Variants in SCLT1 observed in about 807,000 individuals in gnomAD.
The protein encoded by SCLT1 is sodium channel-associated protein 1.
SCLT1 carries 78 observed loss-of-function variants against 112.8 expected under a neutral mutation model. The ratio of observed to expected loss-of-function variants is 0.69; its 90% confidence interval spans 0.58 to 0.83. The LOEUF (loss-of-function observed/expected upper bound fraction) is 0.83, where lower values mean the gene tolerates loss of function less well. SCLT1 is among the 40% of genes least tolerant of loss of function. SCLT1 has a pLI of 0.00. For synonymous variants in SCLT1, 257 were observed against 254.7 expected (o/e 1.01, Z -0.09); for missense variants, 747 against 770.4 (o/e 0.97, Z 0.36).
At chr4:129,035,100 C>T (rs1395970790) in intron 5 of SCLT1, among the ~76,000 whole-genome samples, 1 of 152,066 alleles carries the variant, frequency 6.6e-6, no homozygotes, top group Non-Finnish European at 1.5e-5. Flanking sequence ...CTTACTTCAC[C>T]TAATATTAAG....
rs115418145 is a variant in SCLT1, at chr4:129,091,049, G to T, written c.34+2021C>A. On this transcript the variant is annotated intron_variant, in intron 1 of 20. Transcript: ENST00000281142. ...AACAAAGAGACAATCAAGATCAACA[G>T]AAATCAGTGTAGAAAAAGTCAGAGG... Among the ~76,000 whole-genome samples the T allele has an allele frequency of 5.9e-3, 900 of 152,260 alleles. 7 individuals are homozygous for T. Among genetic ancestry groups the T allele is most frequent in the South Asian group, 0.012 (59 of 4,824 alleles).
intron 5 of SCLT1, among the ~76,000 whole-genome samples, chr4:129,018,351 T>C (rs1192307399): frequency 6.6e-6 from 1 of 152,222 alleles, no homozygotes; most frequent in Non-Finnish European, 1.5e-5. Context: ...GTTATTATAA[T>C]TGCACAATTT....
In SCLT1 at chr4:128,957,182, C is replaced by T. The variant is rs73847308; in HGVS notation, c.1048-58G>A. ...ACATTATTATTAGTAAAGATAATAA[C>T]AGGTGAAAACCTATCCACTAGTCAC... On this transcript the variant is annotated intron_variant, in intron 12 of 20. Transcript: ENST00000281142. The T allele has an allele frequency of 5.2e-3, 5,434 of 1,043,004 alleles. 145 individuals are homozygous for T. The African/African-American group carries it at 0.064, about 12-fold the overall frequency. The allele number at this position is 1,043,004 out of a possible 1,614,324, so 64.6% of individuals were successfully genotyped here.
At chr4:128,901,091 A>G (rs541919382) in intron 18 of SCLT1, among the ~76,000 whole-genome samples, 1 of 152,354 alleles carries the variant, frequency 6.6e-6, no homozygotes, top group East Asian at 1.9e-4. Context: ...AACTAGTTCA[A>G]CCATTGTGGA....
intron 14 of SCLT1, among the ~76,000 whole-genome samples, chr4:128,951,965 A>G (rs1290021998): frequency 6.6e-6 from 1 of 152,168 alleles, no homozygotes; most frequent in African/African-American, 2.4e-5. Context: ...TATACCATTC[A>G]GTTGATAAAC....
At chr4:128,877,135 TG>T (rs1200539772) in intron 3 of SCLT1, among the ~76,000 whole-genome samples, 2 of 152,196 alleles carry the variant, frequency 1.3e-5, no homozygotes, top group African/African-American at 4.8e-5. Context: ...ACATAGCCTT[TG>T]GGGGAACCTC....
intron 5 of SCLT1, among the ~76,000 whole-genome samples, chr4:129,020,488 G>A (rs1341758895): frequency 6.6e-6 from 1 of 152,212 alleles, no homozygotes. Context: ...ACAAATACAA[G>A]TGATGGCAAT....
At chr4:128,880,998 G>A (rs1301748533), downstream of SCLT1, among the ~76,000 whole-genome samples, 3 of 152,172 alleles carry the variant, frequency 2.0e-5, no homozygotes. Context: ...TCTTGAGCTA[G>A]AGGGTACCAG....
chr4:128,980,075 C>T (rs1175755259), intron 9 of SCLT1, among the ~76,000 whole-genome samples: 1 of 152,152 alleles, frequency 6.6e-6, no homozygotes, highest in Non-Finnish European at 1.5e-5. Context: ...AACCTGTTTT[C>T]CATGCTCAGA....
chr4:129,056,504 C>T lies in SCLT1; in HGVS notation c.103-12453G>A, dbSNP rs182894313. 2.0e-5 allele frequency among the ~76,000 whole-genome samples: 3 copies of T among 152,204 alleles called. No homozygotes were observed. In the East Asian group the frequency reaches 5.8e-4, roughly 29 times the overall value. ...TATGTATTTCTATTTGGATCATTTT[C>T]AATTTCTGTCAACATTTATATATTT... On this transcript the variant is annotated intron_variant, in intron 2 of 20. Coordinates refer to ENST00000281142, the MANE Select transcript of SCLT1 (RefSeq NM_144643.4).
intron 5 of SCLT1, among the ~76,000 whole-genome samples, chr4:129,018,498 T>C (rs1253738547): frequency 6.6e-6 from 1 of 152,198 alleles, no homozygotes; most frequent in African/African-American, 2.4e-5. Context: ...GTAAGGTAAT[T>C]ATAAAAAGTC....
At chr4:128,967,110 T>A (rs1740269833) in intron 10 of SCLT1, among the ~76,000 whole-genome samples, 1 of 152,160 alleles carries the variant, frequency 6.6e-6, no homozygotes, top group Non-Finnish European at 1.5e-5. Context: ...CATGCGGTAT[T>A]TGGTTTTCCG....
intron 17 of SCLT1, among the ~76,000 whole-genome samples, chr4:128,940,922 C>T (rs1364161498): frequency 6.6e-6 from 1 of 151,810 alleles, no homozygotes; most frequent in East Asian, 1.9e-4. Context: ...TAAATACGTA[C>T]CATTTAATAC....
chr4:128,922,495 T>C (rs544138269), intron 18 of SCLT1, among the ~76,000 whole-genome samples: 4 of 152,256 alleles, frequency 2.6e-5, no homozygotes, highest in Admixed American at 6.5e-5. Context: ...ATTATGTCCT[T>C]TGCAGCAACA....
chr4:128,922,570 T>C (rs1398712432), intron 18 of SCLT1, among the ~76,000 whole-genome samples: 2 of 152,198 alleles, frequency 1.3e-5, no homozygotes, highest in African/African-American at 4.8e-5. Flanking sequence ...AAATACTGCA[T>C]GTTCTCACTT....
chr4:128,973,546 G>A (rs1740890583), intron 9 of SCLT1, among the ~76,000 whole-genome samples: 1 of 151,078 alleles, frequency 6.6e-6, no homozygotes, highest in Non-Finnish European at 1.5e-5. Flanking sequence ...GAGAGAGAAT[G>A]TTACAGTACA....
chr4:129,061,508 C>CAA (rs1171315296), intron 2 of SCLT1, among the ~76,000 whole-genome samples: 1 of 152,120 alleles, frequency 6.6e-6, no homozygotes, highest in Admixed American at 6.5e-5. Context: ...ATCCTGGGGA[C>CAA]AATGAGCATT....
intron 5 of SCLT1, among the ~76,000 whole-genome samples, chr4:129,009,798 A>C (rs997814824): frequency 2.6e-5 from 4 of 152,028 alleles, no homozygotes; most frequent in African/African-American, 9.7e-5. Flanking sequence ...TTTTTCAATA[A>C]GGTTTGATTT....
At chr4:129,088,515 C>T (rs995180058) in intron 1 of SCLT1, among the ~76,000 whole-genome samples, 6 of 152,106 alleles carry the variant, frequency 3.9e-5, no homozygotes, top group Non-Finnish European at 4.4e-5. Context: ...AGATTCTAGC[C>T]ACTGCAATAA....
Sources: allele counts gnomAD v4.1 joint callset (sites outside exome capture counted in the v4.1 genomes callset), GRCh38; gene constraint gnomAD v4.1.1; transcripts MANE v1.5; gene names NCBI Gene and HGNC (gene_info 2026-07-23, HGNC 2026-07-21).